Variants in CDC42BPA observed in about 807,000 individuals in gnomAD.
CDC42BPA encodes the protein serine/threonine-protein kinase MRCK alpha.
Under a neutral mutation model 223.5 loss-of-function variants are expected in CDC42BPA, and 80 were observed. That is an observed-to-expected ratio of 0.36 (90% CI 0.30 to 0.43). The LOEUF is 0.43. Among genes scored for constraint, CDC42BPA ranks in the 20% least tolerant of loss-of-function variants. The pLI is 1.00. For missense variants in CDC42BPA, 1,743 were observed against 2,099.9 expected, an observed-to-expected ratio of 0.83 and a Z score of 3.32; for synonymous variants, 694 against 718.6, an observed-to-expected ratio of 0.97 and a Z score of 0.55.
intron 5 of CDC42BPA, among the ~76,000 whole-genome samples, chr1:227,186,473 C>T (rs1053470064): frequency 3.3e-5 from 5 of 152,136 alleles, no homozygotes; most frequent in African/African-American, 1.2e-4. Context: ...CCAAGTCTGG[C>T]ACCTTCTAGC....
rs998460992 is a variant in CDC42BPA at position 227,213,023 on chromosome 1, T to C, written c.354+113A>G. On this transcript the variant is annotated intron_variant, in intron 3 of 36. Transcript: ENST00000366766. ...AATTTGTCTTTTATGCCTTAAAAAA[T>C]GTCACCACAGACAAAATGTTACCAA... 7 of 544,420 alleles carry C rather than the reference T, an allele frequency of 1.3e-5. 1 individual carries two copies. Among genetic ancestry groups the C allele is most frequent in the African/African-American group, 1.2e-4 (6 of 50,012 alleles). The allele number at this position is 544,420 out of a possible 1,614,324, so 33.7% of individuals were successfully genotyped here.
chr1:227,220,091 A>G (rs1302244889), intron 2 of CDC42BPA, among the ~76,000 whole-genome samples: 1 of 152,002 alleles, frequency 6.6e-6, no homozygotes, highest in African/African-American at 2.4e-5. Context: ...GACTTGACAG[A>G]CTGCTGGACT....
chr1:227,070,441 T>C (rs1445620677), intron 20 of CDC42BPA, among the ~76,000 whole-genome samples: 1 of 151,806 alleles, frequency 6.6e-6, no homozygotes, highest in Non-Finnish European at 1.5e-5. Context: ...TAACTTTAAA[T>C]GCACAATTTC....
intron 2 of CDC42BPA, among the ~76,000 whole-genome samples, chr1:227,236,964 G>C (rs113286001): frequency 0.098 from 14,158 of 144,736 alleles, 836 homozygotes; most frequent in Middle Eastern, 0.18. Flanking sequence ...GATCAACTGA[G>C]CTCAAGAGGT....
chr1:227,266,900 T>G (rs1222603990), intron 1 of CDC42BPA, among the ~76,000 whole-genome samples: 3 of 152,166 alleles, frequency 2.0e-5, no homozygotes, highest in African/African-American at 7.2e-5. Flanking sequence ...TTCTGACAAT[T>G]TTGTTGGCCC....
intron 2 of CDC42BPA, among the ~76,000 whole-genome samples, chr1:227,233,946 T>C (rs539190445): frequency 6.6e-6 from 1 of 152,238 alleles, no homozygotes; most frequent in East Asian, 1.9e-4. Context: ...TTTAAATAAA[T>C]AAATACATAA....
intron 35 of CDC42BPA, 104 bp from the exon 36 acceptor site, chr1:226,995,084 A>G: frequency 9.9e-7 from 1 of 1,007,340 alleles, no homozygotes; most frequent in Non-Finnish European, 1.5e-6. Context: ...CAGGCCCCAG[A>G]CCACTCCTCC....
intron 15 of CDC42BPA, among the ~76,000 whole-genome samples, chr1:227,095,812 G>A (rs1019872165): frequency 6.6e-6 from 1 of 151,970 alleles, no homozygotes; most frequent in Non-Finnish European, 1.5e-5. Flanking sequence ...GGCTGGTCTC[G>A]AACTCCTGAC....
intron 5 of CDC42BPA, chr1:227,193,584 A>G (rs1224389571): frequency 9.5e-6 from 5 of 525,580 alleles, no homozygotes; most frequent in African/African-American, 7.7e-5. Flanking sequence ...ACATGTATGT[A>G]TAAGCAGGCA....
Position 226,994,964 on chromosome 1 carries a change from A to T in CDC42BPA, c.4992T>A (p.Asn1664Lys). ...AGAATTCCCTCTTTAATGCGCTGCC[A>T]TTCTGTGCGGATGACCCTACAGTAC... ...SGLSARSSAQ[N>K]GSALKREFSG... is the part of the protein sequence containing the mutation. Residue 1664 changes from asparagine to lysine, a missense_variant, in exon 36 of 37, where the codon AAT (asparagine) becomes AAA (lysine). By Grantham distance (94) the Asn-to-Lys change is moderately conservative (BLOSUM62 0). Transcript: ENST00000366766. The surrounding 1 kb of genome is among the most constrained non-coding windows in gnomAD (Gnocchi z 4.0). 1.2e-6 allele frequency: 2 copies of T among 1,614,046 alleles called. No individual in the cohort carries two copies. Among genetic ancestry groups the T allele is most frequent in the Non-Finnish European group, 1.7e-6 (2 of 1,179,964 alleles).
At chr1:227,146,377 C>T (rs996229216) in intron 7 of CDC42BPA, among the ~76,000 whole-genome samples, 12 of 151,888 alleles carry the variant, frequency 7.9e-5, no homozygotes, top group Non-Finnish European at 1.6e-4. Context: ...TATTTACAAC[C>T]CTGCTGCTAT....
intron 3 of CDC42BPA, among the ~76,000 whole-genome samples, chr1:227,201,183 A>G (rs1671692552): frequency 6.6e-6 from 1 of 151,996 alleles, no homozygotes; most frequent in South Asian, 2.1e-4. Context: ...ATCTCACTCT[A>G]TTGCCCAAGC....
At position 226,992,655 on chromosome 1, in the gene CDC42BPA, A is replaced by C. The variant is rs1311624103; in HGVS notation, c.*1613T>G. On this transcript the variant is annotated 3_prime_UTR_variant, in exon 37 of 37. Transcript: ENST00000366766. Reference sequence around the variant, plus strand: ...CTTTCTTCATTTTCACTGAATTTTAAAGAGAGAATCCTGTCTCTATTTCTC... The same window carrying C: ...CTTTCTTCATTTTCACTGAATTTTACAGAGAGAATCCTGTCTCTATTTCTC... 1.3e-5 allele frequency: 2 copies of C among 152,268 alleles called. No individual in the cohort carries two copies. The highest frequency in any genetic ancestry group is 2.9e-5 in the Non-Finnish European group (2 of 68,052). 9.4% of individuals were successfully genotyped at this position (152,268 alleles called of 1,614,324 possible).
rs2148659910 is a variant in CDC42BPA at position 227,030,588 on chromosome 1, GTTTACACTA to G, written c.3776-127_3776-119del. On this transcript the variant is annotated intron_variant, in intron 28 of 36. Transcript: ENST00000366766. ...GGAAATAAAATGAATTACAATAACA[GTTTACACTA>G]TTTCCTTTCAGATTATACTGGTAAA... 1.9e-5 allele frequency: 11 copies of G among 594,232 alleles called. No individual in the cohort carries two copies. In the South Asian group the frequency reaches 2.6e-4, roughly 14 times the overall value. The allele number at this position is 594,232 out of a possible 1,614,324, so 36.8% of individuals were successfully genotyped here. A position where few individuals can be genotyped will look rare whatever the true frequency, so the allele number is the denominator to read the frequency against.
chr1:227,069,882 G>T (rs766983172), intron 20 of CDC42BPA, 29 bp from the exon 21 acceptor site: 8 of 1,496,144 alleles, frequency 5.3e-6, no homozygotes, highest in African/African-American at 2.8e-5. Flanking sequence ...TTTTTTTAAG[G>T]CTACAACAAT....
At chr1:227,276,881 CTCGT>C (rs1305038851) in intron 1 of CDC42BPA, among the ~76,000 whole-genome samples, 2 of 151,850 alleles carry the variant, frequency 1.3e-5, no homozygotes, top group Admixed American at 1.3e-4. Flanking sequence ...AGGCAGCATG[CTCGT>C]TAAGAGTCAT....
chr1:227,317,739 G>C lies in CDC42BPA; in HGVS notation c.-557C>G, dbSNP rs1366772765. 2.5e-6 allele frequency: 1 copy of C among 398,398 alleles called. No homozygotes were observed. The highest frequency in any genetic ancestry group is 2.1e-5 in the African/African-American group (1 of 48,638). 24.7% of individuals were successfully genotyped at this position (398,398 alleles called of 1,614,324 possible). On this transcript the variant is annotated 5_prime_UTR_variant, in exon 1 of 37. Coordinates refer to ENST00000366766, the MANE Select transcript of CDC42BPA (RefSeq NM_001394014.1). ...TCCTCCCAACCACCACTTGGATAAT[G>C]CATCAGCGGCAATTTCTCCAGCGGG...
chr1:227,173,892 C>T (rs181705002), intron 5 of CDC42BPA, among the ~76,000 whole-genome samples: 10 of 152,096 alleles, frequency 6.6e-5, no homozygotes, highest in Non-Finnish European at 1.0e-4. Context: ...GGGAACCCCT[C>T]GAACTTCCAA....
intron 2 of CDC42BPA, among the ~76,000 whole-genome samples, chr1:227,217,065 T>C (rs1338251106): frequency 1.3e-5 from 2 of 152,184 alleles, no homozygotes; most frequent in African/African-American, 4.8e-5. Flanking sequence ...TTACAGGTTG[T>C]AGAATACAGA....
Sources: allele counts gnomAD v4.1 joint callset (sites outside exome capture counted in the v4.1 genomes callset), GRCh38; gene constraint gnomAD v4.1.1; non-coding constraint Gnocchi (gnomAD v3.1); transcripts MANE v1.5; gene names NCBI Gene and HGNC (gene_info 2026-07-23, HGNC 2026-07-21).